The following BDH1 variants were observed in gnomAD, a reference collection of about 807,000 sequenced individuals.
BDH1 encodes D-beta-hydroxybutyrate dehydrogenase, mitochondrial.
In BDH1, 30 loss-of-function variants were observed where a neutral mutation model predicts 33.1. The ratio of observed to expected loss-of-function variants is 0.91; its 90% CI spans 0.68 to 1.23. The LOEUF (loss-of-function observed/expected upper bound fraction) is 1.23, where lower values mean the gene tolerates loss of function less well. BDH1 is among the 50% of genes most tolerant of loss of function. The pLI is 0.00. For missense variants in BDH1, 443 were observed against 464.4 expected (o/e 0.95, Z 0.42); for synonymous variants, 190 against 183.6 (o/e 1.03, Z -0.28).
Position 197,561,046 on chromosome 3 carries a change from T to C in BDH1, c.-44+12135A>G, listed in dbSNP as rs940478279. Among the ~76,000 whole-genome samples, 4 of 152,208 alleles carry C rather than the reference T, an allele frequency of 2.6e-5. 1 individual carries two copies. Among genetic ancestry groups the C allele is most frequent in the African/African-American group, 9.7e-5 (4 of 41,424 alleles). On this transcript the variant is annotated intron_variant, in intron 1 of 6. Coordinates refer to the BDH1 transcript ENST00000358186. ...CACCTTGGCACATGTCATCAGGACCTCCTGAGGCTGTGTCACAGGTGTGCA... is the reference window on the plus strand; with the variant it reads ...CACCTTGGCACATGTCATCAGGACCCCCTGAGGCTGTGTCACAGGTGTGCA...
chr3:197,551,262 C>T (rs1293583040), intron 2 of BDH1, among the ~76,000 whole-genome samples: 2 of 152,212 alleles, frequency 1.3e-5, no homozygotes, highest in Non-Finnish European at 2.9e-5. Flanking sequence ...CATTCTACTA[C>T]ATCTCCATGA....
At chr3:197,570,923 A>G (rs1303080366) in intron 1 of BDH1, among the ~76,000 whole-genome samples, 1 of 152,200 alleles carries the variant, frequency 6.6e-6, no homozygotes, top group African/African-American at 2.4e-5. Context: ...AGCTTGCACC[A>G]TGTGCCTGGA....
chr3:197,530,189 C>T (rs1235358645), intron 5 of BDH1: 1 of 152,112 alleles, frequency 6.6e-6, no homozygotes, highest in Non-Finnish European at 1.5e-5. Context: ...TGGCAAAAAC[C>T]AAAAGCTTGA....
At chr3:197,545,894 T>C (rs979645218) in intron 3 of BDH1, among the ~76,000 whole-genome samples, 1 of 152,236 alleles carries the variant, frequency 6.6e-6, no homozygotes, top group African/African-American at 2.4e-5. Context: ...CCTAGCACTT[T>C]GGGAGGCCAA....
Position 197,554,131 on chromosome 3 carries a change from AAACT to A in BDH1, c.-44+427_-44+430del, listed in dbSNP as rs1213107839. Among the ~76,000 whole-genome samples, 1 of 152,200 alleles carries A rather than the reference AAACT, an allele frequency of 6.6e-6. No individual in the cohort carries two copies. Among genetic ancestry groups the A allele is most frequent in the Admixed American group, 6.5e-5 (1 of 15,286 alleles). On this transcript the variant is annotated intron_variant, in intron 2 of 7. Transcript: ENST00000392379. This position sits in a 1 kb window ranked among gnomAD's most constrained non-coding sequence, Gnocchi z 4.4. ...TTTCGAGCCTTGCTCATCCTATACC[AAACT>A]GACTGCATCTGACCAAGTCCTAGCT... is the stretch of plus-strand genomic sequence containing the variant.
chr3:197,571,476 A>T (rs113792416), intron 1 of BDH1, among the ~76,000 whole-genome samples: 33 of 152,260 alleles, frequency 2.2e-4, no homozygotes, highest in African/African-American at 7.7e-4. Flanking sequence ...TGTGGAAGGG[A>T]CCCAGTGGGA....
chr3:197,572,910 C>T (rs187278890), intron 1 of BDH1, among the ~76,000 whole-genome samples: 1 of 152,240 alleles, frequency 6.6e-6, no homozygotes. Flanking sequence ...CTTATTTTGC[C>T]TAATTCTTTT....
intron 1 of BDH1, among the ~76,000 whole-genome samples, chr3:197,567,050 G>T (rs1717455234): frequency 6.6e-6 from 1 of 152,020 alleles, no homozygotes. Context: ...TTTGTTTGTT[G>T]TTGTTTTTCT....
chr3:197,536,572 G>A (rs1323318834), intron 3 of BDH1, among the ~76,000 whole-genome samples: 1 of 152,178 alleles, frequency 6.6e-6, no homozygotes, highest in Admixed American at 6.5e-5. Context: ...CGGGCATGGT[G>A]GGTCATCCCT....
At position 197,522,148 on chromosome 3, in the gene BDH1, A is replaced by G. The variant is rs757158130; in HGVS notation, c.409+492T>C. On this transcript the variant is annotated intron_variant, in intron 6 of 7. Transcript: ENST00000392379. The surrounding 1 kb of genome is among the most constrained non-coding windows in gnomAD (Gnocchi z 4.8). ...TCTCCCCTCCTCTTGGAACAACCATATCTGCTCTCTGCCACAATCTGCCTT... is the reference window on the plus strand; with the variant it reads ...TCTCCCCTCCTCTTGGAACAACCATGTCTGCTCTCTGCCACAATCTGCCTT... Among the ~76,000 whole-genome samples, 1 of 152,062 alleles carries G rather than the reference A, an allele frequency of 6.6e-6. No individual in the cohort carries two copies. The highest frequency in any genetic ancestry group is 2.4e-5 in the African/African-American group (1 of 41,390).
At chr3:197,541,509 AG>A (rs11285275) in intron 3 of BDH1, among the ~76,000 whole-genome samples, 38,010 of 152,048 alleles carry the variant, frequency 0.25, 5,264 homozygotes, top group African/African-American at 0.37. Context: ...TGGTATGGGG[AG>A]GGGGAGGAAA....
chr3:197,565,760 G>A (rs1323098972), intron 1 of BDH1, among the ~76,000 whole-genome samples: 1 of 152,122 alleles, frequency 6.6e-6, no homozygotes, highest in Non-Finnish European at 1.5e-5. Flanking sequence ...CAATTGTCTT[G>A]TTTTGGTCCT....
chr3:197,526,264 G>A lies in BDH1; in HGVS notation c.268-3483C>T, dbSNP rs1410918352. On this transcript the variant is annotated intron_variant, in intron 5 of 7. Coordinates refer to ENST00000392379, the MANE Select transcript of BDH1 (RefSeq NM_203314.3). This position sits in a 1 kb window ranked among gnomAD's most constrained non-coding sequence, Gnocchi z 4.7. Reference sequence around the variant, plus strand: ...AAAGCTTTCCCCTGCCCAGCCCTGAGGGCTGTGGGAAGTAGGTGCTGGTGG... The same window carrying A: ...AAAGCTTTCCCCTGCCCAGCCCTGAAGGCTGTGGGAAGTAGGTGCTGGTGG... Among the ~76,000 whole-genome samples, 1 of 152,196 alleles carries A rather than the reference G, an allele frequency of 6.6e-6. No individual in the cohort carries two copies. Among genetic ancestry groups the A allele is most frequent in the Admixed American group, 6.5e-5 (1 of 15,276 alleles).
rs1037145602 is a variant in BDH1 at position 197,527,172 on chromosome 3, C to T, written c.268-4391G>A. Among the ~76,000 whole-genome samples the T allele has an allele frequency of 3.3e-5, 5 of 152,316 alleles. No individual in the cohort carries two copies. In the South Asian group the frequency reaches 8.3e-4, roughly 25 times the overall value. On this transcript the variant is annotated intron_variant, in intron 5 of 7. Transcript: ENST00000392379. Reference sequence around the variant, plus strand: ...CTTATCACATGTGTTAGAAACACTTCAGAGAGGAGCGAGCCTGGGCACTGT... The same window carrying T: ...CTTATCACATGTGTTAGAAACACTTTAGAGAGGAGCGAGCCTGGGCACTGT...
intron 1 of BDH1, among the ~76,000 whole-genome samples, chr3:197,565,165 A>G (rs975646784): frequency 1.3e-5 from 2 of 152,092 alleles, no homozygotes; most frequent in Non-Finnish European, 2.9e-5. Context: ...CGGGTGACCC[A>G]CCTGCCTTGG....
chr3:197,563,422 A>G (rs1288925178), intron 1 of BDH1, among the ~76,000 whole-genome samples: 2 of 152,242 alleles, frequency 1.3e-5, no homozygotes, highest in African/African-American at 4.8e-5. Context: ...AAGAAGAATG[A>G]ACAAGGAGAG....
rs1452256420 is a variant in BDH1 at position 197,520,616 on chromosome 3, G to A, written c.409+2024C>T. On this transcript the variant is annotated intron_variant, in intron 6 of 7. Transcript: ENST00000392379. This position sits in a 1 kb window ranked among gnomAD's most constrained non-coding sequence, Gnocchi z 6.0. The stretch of plus-strand genomic sequence containing the variant: ...CTCTGCTTGGGTCTCCGGTGATGAC[G>A]CCTTTCCACGGGCATTTTAGATCAC... Among the ~76,000 whole-genome samples the A allele has an allele frequency of 6.6e-6, 1 of 152,144 alleles. No homozygotes were observed. Among genetic ancestry groups the A allele is most frequent in the Non-Finnish European group, 1.5e-5 (1 of 68,030 alleles).
rs556153847 is a variant in BDH1 at position 197,523,954 on chromosome 3, C to T, written c.268-1173G>A. The stretch of plus-strand genomic sequence containing the variant: ...GCAGGGGTCTGCTTGTGGGCACTGC[C>T]GAGCTGCTGGGGGGCTTTCCTCTAA... On this transcript the variant is annotated intron_variant, in intron 5 of 7. Transcript: ENST00000392379. The surrounding 1 kb of genome is among the most constrained non-coding windows in gnomAD (Gnocchi z 4.5). Among the ~76,000 whole-genome samples the T allele has an allele frequency of 3.9e-5, 6 of 152,206 alleles. No individual in the cohort carries two copies. The highest frequency in any genetic ancestry group is 2.1e-4 in the South Asian group (1 of 4,828).
chr3:197,565,855 C>T (rs983376924), intron 1 of BDH1, among the ~76,000 whole-genome samples: 1 of 152,092 alleles, frequency 6.6e-6, no homozygotes, highest in Non-Finnish European at 1.5e-5. Flanking sequence ...GAGATTGGAA[C>T]ATTAGAATAG....
Sources: gnomAD v4.1 joint callset for allele counts (sites outside exome capture counted in the v4.1 genomes callset) on GRCh38, gnomAD v4.1.1 for gene constraint, Gnocchi (gnomAD v3.1) non-coding constraint, MANE v1.5 for transcripts, NCBI Gene and HGNC (gene_info 2026-07-23, HGNC 2026-07-21) for gene names.